The following HCLS1 variants were observed in gnomAD, a reference collection of about 807,000 sequenced individuals.
HCLS1 encodes hematopoietic lineage cell-specific protein.
Under a neutral mutation model 68.6 loss-of-function variants are expected in HCLS1, and 44 were observed. The observed-to-expected ratio is 0.64, with a 90% confidence interval of 0.50 to 0.82. The LOEUF (loss-of-function observed/expected upper bound fraction) is 0.82. Ranked by LOEUF, HCLS1 falls within the 40% of genes least tolerant of loss-of-function variation. HCLS1 has a pLI of 0.00. For missense variants in HCLS1, 602 were observed against 612.1 expected, an observed-to-expected ratio of 0.98 and a Z score of 0.17; for synonymous variants, 217 against 225.8, an observed-to-expected ratio of 0.96 and a Z score of 0.35.
intron 2 of HCLS1, chr3:121,658,044 T>G (rs922211830): frequency 5.8e-6 from 3 of 514,454 alleles, no homozygotes; most frequent in South Asian, 4.8e-5. Context: ...TCAATCACAC[T>G]GTCAAACTCA....
chr3:121,646,983 TTA>T (rs1560142113), intron 4 of HCLS1, among the ~76,000 whole-genome samples: 1 of 146,320 alleles, frequency 6.8e-6, no homozygotes, highest in Non-Finnish European at 1.5e-5. Flanking sequence ...TTTATTTTAT[TTA>T]TTTTTTTTTT....
At chr3:121,646,794 T>C (rs1228526813) in intron 4 of HCLS1, among the ~76,000 whole-genome samples, 2 of 138,246 alleles carry the variant, frequency 1.4e-5, no homozygotes, top group Admixed American at 7.8e-5. Flanking sequence ...TTGGCTCTTA[T>C]AGAGCCAATT....
At chr3:121,645,280 AGT>A (rs1240748186) in intron 4 of HCLS1, among the ~76,000 whole-genome samples, 1 of 152,160 alleles carries the variant, frequency 6.6e-6, no homozygotes, top group Non-Finnish European at 1.5e-5. Flanking sequence ...AGTGTGGGGT[AGT>A]GTGGAGGAGA....
At chr3:121,640,226 T>C (rs568308031) in intron 6 of HCLS1, among the ~76,000 whole-genome samples, 98 of 152,130 alleles carry the variant, frequency 6.4e-4, no homozygotes, top group Non-Finnish European at 1.2e-3. Context: ...CAGAAAGACT[T>C]GAACTCCATG....
chr3:121,633,606 T>C (rs1477698213), intron 10 of HCLS1, among the ~76,000 whole-genome samples: 4 of 152,118 alleles, frequency 2.6e-5, no homozygotes, highest in African/African-American at 9.7e-5. Context: ...AGTGAGATCA[T>C]AGCTCACTGT....
chr3:121,652,555 G>A (rs1335477366), intron 3 of HCLS1, among the ~76,000 whole-genome samples: 3 of 152,182 alleles, frequency 2.0e-5, no homozygotes, highest in Non-Finnish European at 4.4e-5. Flanking sequence ...TCGGGAAGCT[G>A]AGGTAGGAGA....
intron 6 of HCLS1, among the ~76,000 whole-genome samples, chr3:121,637,927 C>T (rs930387577): frequency 2.5e-4 from 38 of 149,972 alleles, no homozygotes; most frequent in African/African-American, 8.8e-4. Context: ...CAGAGCGAGA[C>T]TCCATCTCAA....
In HCLS1 at chr3:121,644,879, T is replaced by C. The variant is rs754751278; in HGVS notation, c.338A>G (p.Gln113Arg). ...CCCAAAGCCTTTGGCAGCATCCGTCTGAGAAGAGTGCTTCTCCACCTCGGC... is the reference window on the plus strand; with the variant it reads ...CCCAAAGCCTTTGGCAGCATCCGTCCGAGAAGAGTGCTTCTCCACCTCGGC... The part of the protein sequence containing the change: ...YVAEVEKHSS[Q>R]TDAAKGFGGK... Residue 113 changes from glutamine to arginine, a missense_variant, in exon 5 of 14, where the codon CAG becomes CGG. By Grantham distance (43) the Gln-to-Arg change is conservative. Transcript: ENST00000314583. 1 of 1,614,146 alleles carries C rather than the reference T, an allele frequency of 6.2e-7. No homozygotes were observed. The highest frequency in any genetic ancestry group is 1.7e-5 in the Admixed American group (1 of 60,010).
chr3:121,637,264 C>G lies in HCLS1; in HGVS notation c.455-8G>C, dbSNP rs374974934. ...CAAAGCCACGAGAGTAATCTGTGGT[C>G]GAAGGAGCAGTCATGAGAGCCCACC... On this transcript the variant is annotated splice_region_variant and splice_polypyrimidine_tract_variant and intron_variant, in intron 6 of 13. Transcript: ENST00000314583. 3.1e-6 allele frequency: 5 copies of G among 1,601,296 alleles called. No individual in the cohort carries two copies. The highest frequency in any genetic ancestry group is 1.7e-4 in the Middle Eastern group (1 of 6,042).
rs76043066 is a variant in HCLS1 at position 121,640,702 on chromosome 3, A to G, written c.454+2225T>C. 8.3e-3 allele frequency among the ~76,000 whole-genome samples: 1,248 copies of G among 150,606 alleles called. 11 individuals carry two copies. Among genetic ancestry groups the G allele is most frequent in the African/African-American group, 0.028 (1,161 of 40,916 alleles). Reference sequence around the variant, plus strand: ...CACTTTGGGAGGCCAAGGCAGAAGGATCACTTCAGCCCAGGAGTTTGAGGC... The same window carrying G: ...CACTTTGGGAGGCCAAGGCAGAAGGGTCACTTCAGCCCAGGAGTTTGAGGC... On this transcript the variant is annotated intron_variant, in intron 6 of 13. Coordinates refer to ENST00000314583, the MANE Select transcript of HCLS1 (RefSeq NM_005335.6).
intron 6 of HCLS1, among the ~76,000 whole-genome samples, chr3:121,639,925 C>A (rs1176283505): frequency 2.0e-5 from 3 of 151,936 alleles, no homozygotes; most frequent in Non-Finnish European, 4.4e-5. Context: ...AGAGCAGAAA[C>A]CAATACATTT....
Position 121,633,085 on chromosome 3 carries a change from A to G in HCLS1, c.990T>C (p.Ile330=), listed in dbSNP as rs759407542. ...SREHPVPLLP[I]RQTLPEDNEE... is the part of the protein sequence containing the mutation. ...TGCTTACCTCCGGGAGAGTCTGCCT[A>G]ATGGGCAGCAAGGGCACTGGGTGTT... is the stretch of plus-strand genomic sequence containing the variant. The change falls in exon 11 of 14, where the codon ATT becomes ATC. Residue 330 remains isoleucine, a synonymous_variant. Transcript: ENST00000314583. 6.2e-7 allele frequency: 1 copy of G among 1,611,856 alleles called. No individual in the cohort carries two copies. The highest frequency in any genetic ancestry group is 8.5e-7 in the Non-Finnish European group (1 of 1,178,142).
At chr3:121,650,822 T>C (rs993904712) in intron 3 of HCLS1, among the ~76,000 whole-genome samples, 2 of 152,146 alleles carry the variant, frequency 1.3e-5, no homozygotes, top group Non-Finnish European at 2.9e-5. Flanking sequence ...GATCTTTTGC[T>C]CTTAAAAAGA....
At position 121,631,691 on chromosome 3, in the gene HCLS1, A is replaced by G. The variant is rs1160021381; in HGVS notation, c.*155T>C. 4.2e-6 allele frequency: 3 copies of G among 712,172 alleles called. No homozygotes were observed. 44.1% of individuals were successfully genotyped at this position (712,172 alleles called of 1,614,324 possible). Reference sequence around the variant, plus strand: ...CTTGGGGAAGGGGACCTCCTTCCCCATGCTGTCTCTGCCCCAAGCCCTTAA... The same window carrying G: ...CTTGGGGAAGGGGACCTCCTTCCCCGTGCTGTCTCTGCCCCAAGCCCTTAA... On this transcript the variant is annotated 3_prime_UTR_variant, in exon 14 of 14. Transcript: ENST00000314583.
intron 2 of HCLS1, 139 bp from the exon 3 acceptor site, chr3:121,657,491 A>G: frequency 1.4e-6 from 1 of 719,166 alleles, no homozygotes; most frequent in Admixed American, 2.3e-5. Context: ...CATCCCCTCT[A>G]TATTTATCCC....
chr3:121,635,773 G>C lies in HCLS1; in HGVS notation c.653C>G (p.Pro218Arg), dbSNP rs61749596. 1.2e-6 allele frequency: 2 copies of C among 1,613,882 alleles called. No individual in the cohort carries two copies. The highest frequency in any genetic ancestry group is 1.3e-5 in the African/African-American group (1 of 74,894). ...CGTCGTCTTCTTATAAGCTGTGGTC[G>C]GGGCCTCCATTTCATTGAAGCCGAC... Reference protein sequence around the residue: ...SAVGFNEMEAPTTAYKKTTPI... With the variant: ...SAVGFNEMEARTTAYKKTTPI... The change falls in exon 9 of 14, where the codon CCG (proline) becomes CGG (arginine). Residue 218 changes from proline (P) to arginine (R), a missense_variant. Transcript: ENST00000314583.
chr3:121,640,308 G>A (rs2049184560), intron 6 of HCLS1, among the ~76,000 whole-genome samples: 2 of 152,162 alleles, frequency 1.3e-5, no homozygotes, highest in Admixed American at 6.5e-5. Context: ...CAGAAGTAGA[G>A]GCAATATTTC....
At chr3:121,651,805 G>T (rs897580214) in intron 3 of HCLS1, among the ~76,000 whole-genome samples, 1 of 152,194 alleles carries the variant, frequency 6.6e-6, no homozygotes, top group Non-Finnish European at 1.5e-5. Context: ...ATGAAAGAGG[G>T]TAAATTCCCT....
chr3:121,655,827 T>TATTC (rs1937853798), intron 3 of HCLS1, among the ~76,000 whole-genome samples: 1 of 134,784 alleles, frequency 7.4e-6, no homozygotes, highest in African/African-American at 2.9e-5. Flanking sequence ...TGAAACCATT[T>TATTC]ATTTATTTAT....
Sources: gnomAD v4.1 joint callset for allele counts (sites outside exome capture counted in the v4.1 genomes callset) on GRCh38, gnomAD v4.1.1 for gene constraint, MANE v1.5 for transcripts, NCBI Gene and HGNC (gene_info 2026-07-23, HGNC 2026-07-21) for gene names.